Variants in SEMA3A observed in about 807,000 individuals in gnomAD.
SEMA3A encodes semaphorin 3A.
SEMA3A carries 29 observed loss-of-function variants against 97.9 expected under a neutral mutation model. That is an observed-to-expected ratio of 0.30 (90% CI 0.22 to 0.40). The LOEUF (loss-of-function observed/expected upper bound fraction) is 0.40, where lower values mean the gene tolerates loss of function less well. Ranked by LOEUF, SEMA3A falls within the 10% of genes least tolerant of loss-of-function variation. The pLI, the probability that SEMA3A is intolerant of heterozygous loss-of-function variation, is 1.00. For missense variants in SEMA3A, 763 were observed against 951.3 expected (o/e 0.80, Z 2.60); for synonymous variants, 321 against 323.7 (o/e 0.99, Z 0.09).
intron 3 of SEMA3A, among the ~76,000 whole-genome samples, chr7:84,112,413 C>G (rs1387613435): frequency 1.3e-5 from 2 of 152,158 alleles, no homozygotes; most frequent in African/African-American, 4.8e-5. Context: ...CATGCCATGC[C>G]TTTAAAGATA....
chr7:84,021,296 CTTATT>C (rs1345705747), intron 6 of SEMA3A, among the ~76,000 whole-genome samples: 1 of 152,138 alleles, frequency 6.6e-6, no homozygotes, highest in Non-Finnish European at 1.5e-5. Context: ...TTTGCTTCTA[CTTATT>C]TTATAACATT....
At chr7:84,260,252 AT>A (rs1166702921) in intron 3 of SEMA3A, among the ~76,000 whole-genome samples, 1 of 152,232 alleles carries the variant, frequency 6.6e-6, no homozygotes. Flanking sequence ...CAAATAAATA[AT>A]GTGTACTAGG....
intron 2 of SEMA3A, among the ~76,000 whole-genome samples, chr7:84,130,795 T>G (rs1052405801): frequency 6.6e-6 from 1 of 152,028 alleles, no homozygotes; most frequent in Admixed American, 6.6e-5. Flanking sequence ...ATATAACAGT[T>G]AAGATTTACT....
At chr7:84,051,351 G>C (rs1199866494) in intron 5 of SEMA3A, among the ~76,000 whole-genome samples, 3 of 152,128 alleles carry the variant, frequency 2.0e-5, no homozygotes, top group Non-Finnish European at 4.4e-5. Context: ...AGCATGGAAT[G>C]TTCTTCCTTT....
intron 15 of SEMA3A, among the ~76,000 whole-genome samples, chr7:83,969,365 T>A (rs1429113768): frequency 1.3e-5 from 2 of 148,454 alleles, no homozygotes; most frequent in Non-Finnish European, 3.0e-5. Flanking sequence ...CCAAAAAAAA[T>A]CTCTTTTTAG....
At chr7:84,079,934 C>G (rs1372132067) in intron 4 of SEMA3A, among the ~76,000 whole-genome samples, 1 of 147,374 alleles carries the variant, frequency 6.8e-6, no homozygotes, top group African/African-American at 2.6e-5. Flanking sequence ...TTCACAATAG[C>G]AAAGACTTGG....
chr7:84,311,640 A>G (rs1801323189), intron 2 of SEMA3A, among the ~76,000 whole-genome samples: 1 of 151,974 alleles, frequency 6.6e-6, no homozygotes, highest in African/African-American at 2.4e-5. Flanking sequence ...GAAGGCAAGT[A>G]CACTTTTCCA....
chr7:84,007,267 A>T, intron 10 of SEMA3A, 86 bp downstream of exon 10: 2 of 1,104,934 alleles, frequency 1.8e-6, no homozygotes, highest in Non-Finnish European at 2.5e-6. Flanking sequence ...TACAGGATAC[A>T]TTTAATATCT....
intron 1 of SEMA3A, among the ~76,000 whole-genome samples, chr7:84,172,866 T>C (rs765582431): frequency 5.3e-5 from 8 of 152,222 alleles, no homozygotes; most frequent in Non-Finnish European, 4.4e-5. Flanking sequence ...TTTTGGAAAA[T>C]ATTGAAGTTC....
chr7:84,031,649 C>A (rs1016603348), intron 6 of SEMA3A, among the ~76,000 whole-genome samples: 1 of 151,924 alleles, frequency 6.6e-6, no homozygotes, highest in Non-Finnish European at 1.5e-5. Flanking sequence ...GCCTGACCAA[C>A]ATGGAGAAAC....
intron 2 of SEMA3A, among the ~76,000 whole-genome samples, chr7:84,311,944 C>A (rs954077588): frequency 2.0e-5 from 3 of 151,768 alleles, no homozygotes; most frequent in African/African-American, 7.2e-5. Flanking sequence ...TAATATTGGG[C>A]AAAGGTAAAT....
At position 84,142,006 on chromosome 7, in the gene SEMA3A, A is replaced by G. The variant is rs139521385; in HGVS notation, c.113-7055T>C. Among the ~76,000 whole-genome samples, 1,000 of 152,306 alleles carry G rather than the reference A, an allele frequency of 6.6e-3. 5 individuals are homozygous for G. The highest frequency in any genetic ancestry group is 0.022 in the African/African-American group (934 of 41,560). Reference sequence around the variant, plus strand: ...CTCCCATACTTCTAGACCCCACACAAGACACAAGTGTCCTAGGCCATGTTA... The same window carrying G: ...CTCCCATACTTCTAGACCCCACACAGGACACAAGTGTCCTAGGCCATGTTA... On this transcript the variant is annotated intron_variant, in intron 1 of 16. Transcript: ENST00000265362.
rs573312722 is a variant in SEMA3A, at chr7:84,108,528, C to T, written c.453+1942G>A. Among the ~76,000 whole-genome samples, 6 of 152,292 alleles carry T rather than the reference C, an allele frequency of 3.9e-5. No homozygotes were observed. In the East Asian group the frequency reaches 9.7e-4, roughly 25 times the overall value. ...GAGACGTTAAATAATATTTCCAGTG[C>T]TCCACAGCTAGTAAGTTGTAGAGCA... On this transcript the variant is annotated intron_variant, in intron 4 of 16. Coordinates refer to ENST00000265362, the MANE Select transcript of SEMA3A (RefSeq NM_006080.3).
intron 15 of SEMA3A, among the ~76,000 whole-genome samples, chr7:83,971,006 T>C (rs988800012): frequency 2.6e-5 from 4 of 152,344 alleles, no homozygotes; most frequent in African/African-American, 9.6e-5. Context: ...TTCCAGTGGC[T>C]GGAAAACATT....
intron 3 of SEMA3A, among the ~76,000 whole-genome samples, chr7:84,216,282 T>G (rs895428941): frequency 6.6e-6 from 1 of 152,112 alleles, no homozygotes; most frequent in African/African-American, 2.4e-5. Context: ...AATTTTTGTA[T>G]TTTTAGTAGA....
intron 1 of SEMA3A, among the ~76,000 whole-genome samples, chr7:84,385,865 C>T (rs547535191): frequency 1.3e-5 from 2 of 152,258 alleles, no homozygotes; most frequent in East Asian, 3.9e-4. Context: ...TTGGACTTTT[C>T]TCACCTTTTA....
chr7:84,097,226 C>G (rs1472095560), intron 4 of SEMA3A, among the ~76,000 whole-genome samples: 1 of 152,066 alleles, frequency 6.6e-6, no homozygotes, highest in Non-Finnish European at 1.5e-5. Flanking sequence ...TGAACCCTGG[C>G]ACGTATACAA....
intron 4 of SEMA3A, among the ~76,000 whole-genome samples, chr7:84,091,118 GAAA>G (rs200764201): frequency 2.7e-5 from 2 of 73,112 alleles, no homozygotes; most frequent in South Asian, 7.8e-4. Flanking sequence ...AAGAAAGAAA[GAAA>G]AAGAAAGAAA....
chr7:84,085,693 T>C (rs1234255776), intron 4 of SEMA3A, among the ~76,000 whole-genome samples: 2 of 152,204 alleles, frequency 1.3e-5, no homozygotes, highest in African/African-American at 2.4e-5. Context: ...AAACACCCTT[T>C]ATTTTATCCT....
Sources: allele counts gnomAD v4.1 joint callset (sites outside exome capture counted in the v4.1 genomes callset), GRCh38; gene constraint gnomAD v4.1.1; transcripts MANE v1.5; gene names NCBI Gene and HGNC (gene_info 2026-07-23, HGNC 2026-07-21).